The following PKHD1 variants were observed in gnomAD, a reference collection of about 807,000 sequenced individuals.
PKHD1 encodes PKHD1 ciliary IPT domain containing fibrocystin/polyductin, also known as fibrocystin.
PKHD1 carries 291 observed loss-of-function variants against 412.0 expected under a neutral mutation model. The ratio of observed to expected loss-of-function variants is 0.71; its 90% confidence interval spans 0.64 to 0.78. The LOEUF (loss-of-function observed/expected upper bound fraction) is 0.78, where lower values mean the gene tolerates loss of function less well. PKHD1 is among the 30% of genes least tolerant of loss of function. The probability of loss-of-function intolerance (pLI) is 0.00; values close to 1 mark genes in which losing one functional copy is unlikely to be tolerated. For missense variants in PKHD1, 4,825 were observed against 4,950.7 expected, an observed-to-expected ratio of 0.97 and a Z score of 0.76; for synonymous variants, 1,777 against 1,821.5, an observed-to-expected ratio of 0.98 and a Z score of 0.62.
At chr6:52,083,570 A>T (rs1812342442) in intron 2 of PKHD1, among the ~76,000 whole-genome samples, 1 of 152,140 alleles carries the variant, frequency 6.6e-6, no homozygotes, top group East Asian at 1.9e-4. Context: ...CTGAATTTCT[A>T]CTTCCTTTGG....
At chr6:51,935,927 A>C (rs1350728985) in intron 36 of PKHD1, among the ~76,000 whole-genome samples, 4 of 152,126 alleles carry the variant, frequency 2.6e-5, no homozygotes, top group Non-Finnish European at 4.4e-5. Flanking sequence ...TTAACTTCTC[A>C]CCAAGGCCTT....
intron 60 of PKHD1, among the ~76,000 whole-genome samples, chr6:51,699,314 G>T (rs1468561916): frequency 6.6e-6 from 1 of 152,058 alleles, no homozygotes. Flanking sequence ...TTTCCAGAAC[G>T]CTACGCAGTT....
chr6:52,025,491 GT>G lies in PKHD1; in HGVS notation c.4318del (p.Thr1440ProfsTer20). The G allele has an allele frequency of 6.2e-7, 1 of 1,613,160 alleles. No individual in the cohort carries two copies. The highest frequency in any genetic ancestry group is 8.5e-7 in the Non-Finnish European group (1 of 1,179,254). On this transcript the variant is annotated frameshift_variant, in exon 32 of 67. Transcript: ENST00000371117. LOFTEE classifies it high-confidence loss of function. ...CTCCAGGCTAACCTGGCAGAGAATGGTGTGGTCTCCCAAACTCAAAATCACA... is the reference window on the plus strand; with the variant it reads ...CTCCAGGCTAACCTGGCAGAGAATGGGTGGTCTCCCAAACTCAAAATCACA... ...TCVILSLGDH[T>X]ILCQVSLEGD...
At chr6:51,828,692 T>G (rs1394470929) in intron 52 of PKHD1, among the ~76,000 whole-genome samples, 2 of 152,106 alleles carry the variant, frequency 1.3e-5, no homozygotes, top group African/African-American at 4.8e-5. Context: ...CAAATTTATT[T>G]GATTTAAAGA....
chr6:52,012,028 G>GTGTT (rs1430341974), intron 34 of PKHD1, among the ~76,000 whole-genome samples: 4 of 152,214 alleles, frequency 2.6e-5, no homozygotes, highest in Non-Finnish European at 5.9e-5. Context: ...TCACCATGGT[G>GTGTT]TGTTTGTTCA....
chr6:52,027,013 G>T (rs1341281374), intron 31 of PKHD1, among the ~76,000 whole-genome samples: 13 of 152,116 alleles, frequency 8.5e-5, no homozygotes, highest in Non-Finnish European at 5.9e-5. Context: ...TTAGAGATTG[G>T]TCTATTTGTC....
intron 60 of PKHD1, among the ~76,000 whole-genome samples, chr6:51,697,221 G>C (rs890833211): frequency 6.6e-6 from 1 of 151,842 alleles, no homozygotes; most frequent in African/African-American, 2.4e-5. Context: ...AAGGATACTA[G>C]TAATTGTCCT....
chr6:52,043,678 A>C lies in PKHD1; in HGVS notation c.2768T>G (p.Phe923Cys). Residue 923 changes from phenylalanine to cysteine, a missense_variant, in exon 26 of 67, where the codon TTC (phenylalanine) becomes TGC (cysteine). Physicochemically the swap from Phe to Cys is radical, Grantham distance 205. Coordinates refer to ENST00000371117, the MANE Select transcript of PKHD1 (RefSeq NM_138694.4). ...GGGAGTTGACCCTTGGAGGTACTGG[A>C]AAGAGCAGGAACCTGGGCAATGAGC... is the stretch of plus-strand genomic sequence containing the variant. ...VPAHCPGSCS[F>C]QYLQGSTPCV... 4 of 1,613,616 alleles carry C rather than the reference A, an allele frequency of 2.5e-6. No homozygotes were observed. Among genetic ancestry groups the C allele is most frequent in the Non-Finnish European group, 3.4e-6 (4 of 1,179,602 alleles).
intron 57 of PKHD1, among the ~76,000 whole-genome samples, chr6:51,751,866 T>A (rs1786170288): frequency 6.6e-6 from 1 of 152,172 alleles, no homozygotes; most frequent in African/African-American, 2.4e-5. Flanking sequence ...TAAGATAAAA[T>A]TTTCACTGTA....
chr6:51,655,026 T>C (rs185642799), intron 61 of PKHD1, among the ~76,000 whole-genome samples: 3 of 152,216 alleles, frequency 2.0e-5, no homozygotes, highest in Admixed American at 1.3e-4. Context: ...GCCACACATA[T>C]GAAATAAGAT....
intron 51 of PKHD1, among the ~76,000 whole-genome samples, chr6:51,835,106 GC>G (rs1176318840): frequency 6.6e-6 from 1 of 152,184 alleles, no homozygotes; most frequent in Non-Finnish European, 1.5e-5. Flanking sequence ...CAGTTGTAAT[GC>G]AAGCATCTCC....
At chr6:52,046,225 C>T (rs1158241968) in intron 23 of PKHD1, 37 bp from the exon 24 acceptor site, 1 of 1,439,318 alleles carries the variant, frequency 6.9e-7, no homozygotes, top group Non-Finnish European at 9.8e-7. Flanking sequence ...AACACAGACA[C>T]TAATTAATCC....
At chr6:51,955,539 C>T (rs563048824) in intron 36 of PKHD1, among the ~76,000 whole-genome samples, 2 of 152,066 alleles carry the variant, frequency 1.3e-5, no homozygotes, top group Non-Finnish European at 2.9e-5. Context: ...TCTTGAGGGT[C>T]CATAAAGTGT....
At chr6:52,030,926 T>C (rs1241408374) in intron 29 of PKHD1, among the ~76,000 whole-genome samples, 4 of 152,152 alleles carry the variant, frequency 2.6e-5, no homozygotes, top group Non-Finnish European at 5.9e-5. Context: ...GTGTAAAAGT[T>C]TGAATTTAGC....
chr6:51,931,956 T>G (rs1397531621), intron 37 of PKHD1, among the ~76,000 whole-genome samples: 39 of 111,722 alleles, frequency 3.5e-4, no homozygotes, highest in African/African-American at 5.7e-4. Context: ...GGAGGAAGCA[T>G]GGAGAGAGAG....
intron 35 of PKHD1, among the ~76,000 whole-genome samples, chr6:51,992,204 G>A (rs935614948): frequency 2.0e-4 from 31 of 152,192 alleles, no homozygotes; most frequent in African/African-American, 6.5e-4. Context: ...CAAGAAGCAA[G>A]CATTCAATTA....
At chr6:51,705,116 T>C (rs1779865172) in intron 60 of PKHD1, among the ~76,000 whole-genome samples, 1 of 151,988 alleles carries the variant, frequency 6.6e-6, no homozygotes, top group Admixed American at 6.6e-5. Context: ...GTTGTCCATA[T>C]CAAAGAATGA....
intron 60 of PKHD1, among the ~76,000 whole-genome samples, chr6:51,705,540 A>G (rs1023193754): frequency 6.6e-6 from 1 of 152,128 alleles, no homozygotes; most frequent in Non-Finnish European, 1.5e-5. Context: ...GAGACCCTGT[A>G]TTAGAGCTAC....
At chr6:51,819,677 T>G (rs940427818) in intron 52 of PKHD1, among the ~76,000 whole-genome samples, 1 of 152,200 alleles carries the variant, frequency 6.6e-6, no homozygotes, top group Non-Finnish European at 1.5e-5. Context: ...TGAGGCAAAG[T>G]GGCACATAAT....
Sources: allele counts gnomAD v4.1 joint callset (sites outside exome capture counted in the v4.1 genomes callset), GRCh38; gene constraint gnomAD v4.1.1; transcripts MANE v1.5; gene names NCBI Gene and HGNC (gene_info 2026-07-23, HGNC 2026-07-21).